Variants in ARHGEF9 observed in about 807,000 individuals in gnomAD.
The protein encoded by ARHGEF9 is rho guanine nucleotide exchange factor 9.
ARHGEF9 carries 2 observed loss-of-function variants against 41.3 expected under a neutral mutation model. That is an observed-to-expected ratio of 0.05 (90% CI 0.02 to 0.15). ARHGEF9 has a LOEUF of 0.15. ARHGEF9 is among the 10% of genes least tolerant of loss of function. ARHGEF9 has a pLI of 1.00. For missense variants in ARHGEF9, 225 were observed against 424.7 expected, an observed-to-expected ratio of 0.53 and a Z score of 4.13; for synonymous variants, 160 against 154.4, an observed-to-expected ratio of 1.04 and a Z score of -0.27.
At chrX:63,750,151 T>G (rs2055530624) in intron 1 of ARHGEF9, among the ~76,000 whole-genome samples, 1 of 111,948 alleles carries the variant, frequency 8.9e-6, no homozygotes, top group African/African-American at 3.3e-5. Flanking sequence ...AATTCTTATA[T>G]CCCTGCCCAG....
chrX:63,754,444 C>T (rs1556444818), intron 1 of ARHGEF9: 1 of 1,144,823 alleles, frequency 8.7e-7, no homozygotes, highest in Non-Finnish European at 1.2e-6. Flanking sequence ...GGGATGAAAT[C>T]AAAGCGAGAG....
intron 6 of ARHGEF9, chrX:63,670,098 C>T (rs1306099263): frequency 1.8e-5 from 2 of 111,619 alleles, no homozygotes; most frequent in African/African-American, 3.3e-5. Flanking sequence ...AATTCTAATT[C>T]ACCCCATTCT....
intron 3 of ARHGEF9, among the ~76,000 whole-genome samples, chrX:63,700,028 TAA>T (rs2052041636): frequency 9.0e-6 from 1 of 111,642 alleles, no homozygotes; most frequent in Non-Finnish European, 1.9e-5. Context: ...AAAAATGGGA[TAA>T]AAGTCTTTGC....
At chrX:63,731,481 G>GATTGGCT (rs1556419979) in intron 1 of ARHGEF9, among the ~76,000 whole-genome samples, 1 of 108,237 alleles carries the variant, frequency 9.2e-6, no homozygotes, top group East Asian at 2.9e-4. Flanking sequence ...TAAAGACTCA[G>GATTGGCT]ATTGGCTATT....
intron 8 of ARHGEF9, among the ~76,000 whole-genome samples, chrX:63,650,933 T>C (rs1462305553): frequency 9.0e-6 from 1 of 110,722 alleles, no homozygotes; most frequent in African/African-American, 3.3e-5. Context: ...TGTGTAGATA[T>C]ATAGCATTAA....
chrX:63,708,500 C>T (rs1174698840), intron 2 of ARHGEF9, among the ~76,000 whole-genome samples: 3 of 112,106 alleles, frequency 2.7e-5, no homozygotes, highest in Non-Finnish European at 5.6e-5. Flanking sequence ...ATGACACTGT[C>T]GTTCCAAATA....
chrX:63,664,534 G>A (rs2049403294), intron 7 of ARHGEF9, among the ~76,000 whole-genome samples: 1 of 112,347 alleles, frequency 8.9e-6, no homozygotes, highest in African/African-American at 3.2e-5. Context: ...TGGCTGATAT[G>A]CTGAGAATTT....
At chrX:63,713,988 A>C (rs2053134416) in intron 2 of ARHGEF9, among the ~76,000 whole-genome samples, 1 of 112,007 alleles carries the variant, frequency 8.9e-6, no homozygotes, top group Non-Finnish European at 1.9e-5. Flanking sequence ...ACAATGAGAA[A>C]TAAGGAGCTT....
At chrX:63,781,522 C>T (rs1192482433) in intron 1 of ARHGEF9, among the ~76,000 whole-genome samples, 2 of 111,645 alleles carry the variant, frequency 1.8e-5, no homozygotes, top group African/African-American at 6.5e-5. Context: ...CCACTCTTAG[C>T]GATCTGAGGG....
At chrX:63,718,242 G>T (rs2053430367) in intron 2 of ARHGEF9, among the ~76,000 whole-genome samples, 2 of 111,421 alleles carry the variant, frequency 1.8e-5, no homozygotes, top group South Asian at 7.7e-4. Context: ...CTGGTGAGAA[G>T]ATATTAATAG....
chrX:63,748,682 A>T (rs1201104625), intron 1 of ARHGEF9, among the ~76,000 whole-genome samples: 6 of 111,592 alleles, frequency 5.4e-5, no homozygotes, highest in African/African-American at 2.0e-4. Flanking sequence ...AAAATAAATA[A>T]ATAAAGCTCC....
chrX:63,778,536 T>C (rs2056330584), intron 1 of ARHGEF9, among the ~76,000 whole-genome samples: 1 of 112,540 alleles, frequency 8.9e-6, no homozygotes. Flanking sequence ...CCCCAGAAAA[T>C]GGGTTTTGCT....
At position 63,637,828 on chromosome X, in the gene ARHGEF9, C is replaced by T. The variant is rs1556299903; in HGVS notation, c.*200G>A. 3.0e-6 allele frequency: 1 copy of T among 331,075 alleles called. No homozygotes were observed. Among genetic ancestry groups the T allele is most frequent in the African/African-American group, 2.9e-5 (1 of 34,757 alleles). 27.3% of individuals were successfully genotyped at this position (331,075 alleles called of 1,213,427 possible). A position where few individuals can be genotyped will look rare whatever the true frequency, so the allele number is the denominator to read the frequency against. On this transcript the variant is annotated 3_prime_UTR_variant, in exon 10 of 10. Transcript: ENST00000671741. ...CACTTCCCCAAAACAACAGAAAACA[C>T]TTTTGTTCCTTATCTCTCTGTGTGT...
chrX:63,657,617 A>G (rs782182149), intron 7 of ARHGEF9: 1 of 111,869 alleles, frequency 8.9e-6, no homozygotes, highest in Non-Finnish European at 1.9e-5. Flanking sequence ...GTTCAGCTAT[A>G]CAGAGAGGGC....
chrX:63,735,844 T>G (rs1445283432), intron 1 of ARHGEF9, among the ~76,000 whole-genome samples: 24 of 111,829 alleles, frequency 2.1e-4, no homozygotes, highest in African/African-American at 7.8e-4. Context: ...GACATCTGCA[T>G]TTAAACAGCC....
At chrX:63,767,186 T>C (rs1414150225) in intron 1 of ARHGEF9, 3 of 714,757 alleles carry the variant, frequency 4.2e-6, no homozygotes, top group Admixed American at 4.5e-5. Flanking sequence ...ACCAGCTTGG[T>C]GCAGTTTGGC....
intron 5 of ARHGEF9, among the ~76,000 whole-genome samples, chrX:63,676,027 C>A (rs1444674959): frequency 4.5e-5 from 5 of 111,961 alleles, no homozygotes; most frequent in Non-Finnish European, 1.9e-5. Context: ...CACATCTTTG[C>A]ACAACTGCAC....
At chrX:63,774,184 G>T (rs1345742249) in intron 1 of ARHGEF9, among the ~76,000 whole-genome samples, 14 of 110,383 alleles carry the variant, frequency 1.3e-4, no homozygotes, top group Non-Finnish European at 3.8e-5. Flanking sequence ...AATTGATAAG[G>T]ATCTGAAGTT....
At chrX:63,761,506 T>C (rs1216409831) in intron 1 of ARHGEF9, among the ~76,000 whole-genome samples, 1 of 111,322 alleles carries the variant, frequency 9.0e-6, no homozygotes, top group Admixed American at 9.5e-5. Context: ...GGACTCGCAA[T>C]GTAAAATGTA....
Sources: allele counts gnomAD v4.1 joint callset (sites outside exome capture counted in the v4.1 genomes callset), GRCh38; gene constraint gnomAD v4.1.1; transcripts MANE v1.5; gene names NCBI Gene and HGNC (gene_info 2026-07-23, HGNC 2026-07-21).